Variants in SIGLEC9 observed in about 807,000 individuals in gnomAD.
SIGLEC9 encodes the protein sialic acid binding Ig like lectin 9, also known as sialic acid-binding Ig-like lectin 9.
In SIGLEC9, 26 loss-of-function variants were observed where a neutral mutation model predicts 38.3. The ratio of observed to expected loss-of-function variants is 0.68; its 90% confidence interval spans 0.50 to 0.94. SIGLEC9 has a LOEUF of 0.94. Ranked by LOEUF, SIGLEC9 falls within the 40% of genes least tolerant of loss-of-function variation. The probability of loss-of-function intolerance (pLI) is 0.00; values close to 1 mark genes in which losing one functional copy is unlikely to be tolerated. For synonymous variants in SIGLEC9, 236 were observed against 248.0 expected (o/e 0.95, Z 0.45); for missense variants, 556 against 585.7 (o/e 0.95, Z 0.52).
chr19:51,124,889 C>T (rs967532184), upstream of SIGLEC9: 55 of 1,523,878 alleles, frequency 3.6e-5, no homozygotes, highest in Non-Finnish European at 3.2e-5. Context: ...GTAGGGCCTC[C>T]TCTAAGTCTT....
intron 2 of SIGLEC9, 43 bp downstream of exon 2, chr19:51,125,918 C>T (rs140562294): frequency 1.3e-5 from 21 of 1,611,742 alleles, no homozygotes; most frequent in South Asian, 3.3e-5. Flanking sequence ...ATGGGGTGAG[C>T]GTCAAGCCTG....
Position 51,129,920 on chromosome 19 carries a change from C to G in SIGLEC9, c.1233C>G (p.Asp411Glu). 6.2e-7 allele frequency: 1 copy of G among 1,607,282 alleles called. No individual in the cohort carries two copies. Among genetic ancestry groups the G allele is most frequent in the Non-Finnish European group, 8.5e-7 (1 of 1,176,806 alleles). ...CCCTGACTGAACCTTGGGCAGAAGA[C>G]AGTCCCCCAGACCAGCCTCCCCCAG... The part of the protein sequence containing the change: ...QGPLTEPWAE[D>E]SPPDQPPPAS... Residue 411 changes from aspartate to glutamate, a missense_variant, in exon 7 of 7, where the codon GAC becomes GAG. By Grantham distance (45) the Asp-to-Glu change is conservative (BLOSUM62 2). Coordinates refer to ENST00000250360, the MANE Select transcript of SIGLEC9 (RefSeq NM_014441.3).
chr19:51,119,807 C>T, the SIGLEC9 span, among the ~76,000 whole-genome samples: 1 of 152,180 alleles, frequency 6.6e-6, no homozygotes, highest in Non-Finnish European at 1.5e-5. Context: ...ACCAGACTGT[C>T]CTGGGGCAGT....
intron 6 of SIGLEC9, among the ~76,000 whole-genome samples, 181 bp from the exon 7 acceptor site, chr19:51,129,710 T>C (rs535771212): frequency 1.8e-4 from 28 of 152,110 alleles, no homozygotes; most frequent in African/African-American, 6.7e-4. Context: ...CCACCACACC[T>C]GGCTAATTTT....
Position 51,125,389 on chromosome 19 carries a change from G to A in SIGLEC9, c.415G>A (p.Val139Met), listed in dbSNP as rs1421181909. The A allele has an allele frequency of 6.3e-7, 1 of 1,580,370 alleles. No homozygotes were observed. The highest frequency in any genetic ancestry group is 2.2e-5 in the East Asian group (1 of 44,702). The stretch of plus-strand genomic sequence containing the variant: ...TAAACATCACCGGCTCTCTGTGAAT[G>A]TGACAGGTAAGGCACAGGCTCCAGG... ...NYKHHRLSVN[V>M]TALTHRPNIL... The change falls in exon 1 of 7, where the codon GTG becomes ATG. Residue 139 changes from valine (V) to methionine (M), a missense_variant. Coordinates refer to ENST00000250360, the MANE Select transcript of SIGLEC9 (RefSeq NM_014441.3).
intron 6 of SIGLEC9, among the ~76,000 whole-genome samples, chr19:51,135,502 T>C (rs553762536): frequency 6.6e-6 from 1 of 152,180 alleles, no homozygotes; most frequent in Non-Finnish European, 1.5e-5. Context: ...TTAGCTGCAT[T>C]GAATATTTTT....
downstream of SIGLEC9, among the ~76,000 whole-genome samples, chr19:51,131,768 T>C (rs916475867): frequency 2.6e-5 from 4 of 151,296 alleles, no homozygotes; most frequent in African/African-American, 9.7e-5. Context: ...ATACAAAAAT[T>C]AGCCAGGCGA....
upstream of SIGLEC9, chr19:51,120,759 C>G (rs1359863838): frequency 5.5e-6 from 1 of 181,568 alleles, no homozygotes; most frequent in African/African-American, 2.4e-5. The surrounding 1 kb of genome is among the most constrained non-coding windows in gnomAD (Gnocchi z 4.1). Flanking sequence ...CTCAATGTCT[C>G]TTATGAGTGG....
upstream of SIGLEC9, among the ~76,000 whole-genome samples, chr19:51,122,320 C>T (rs752795247): frequency 2.0e-5 from 3 of 152,122 alleles, no homozygotes; most frequent in East Asian, 3.9e-4. The surrounding 1 kb of genome is among the most constrained non-coding windows in gnomAD (Gnocchi z 4.1). Context: ...TGGTGGCTCA[C>T]GCTTGTAATG....
At position 51,125,634 on chromosome 19, in the gene SIGLEC9, C is replaced by G. The variant is rs368191761; in HGVS notation, c.459C>G (p.Thr153=). 7.4e-6 allele frequency: 12 copies of G among 1,612,828 alleles called. No individual in the cohort carries two copies. The African/African-American group carries it at 1.5e-4, about 20-fold the overall frequency. The change falls in exon 2 of 7, where the codon ACC becomes ACG. Residue 153 remains threonine (T), a synonymous_variant. Transcript: ENST00000250360. The part of the protein sequence containing the change: ...THRPNILIPG[T]LESGCPQNLT... The stretch of plus-strand genomic sequence containing the variant: ...GGCCCAACATCCTCATCCCAGGCAC[C>G]CTGGAGTCCGGCTGCCCCCAGAATC...
rs74594605 is a variant in SIGLEC9 at position 51,135,926 on chromosome 19, T to C, written c.1204-36T>C. On this transcript the variant is annotated intron_variant, in intron 6 of 6. Coordinates refer to the SIGLEC9 transcript ENST00000440804. ...AGTTTTTCAGCTCTAACAGATCAGTTTGATTCTCTCTTAAAATGATTATTT... is the reference window on the plus strand; with the variant it reads ...AGTTTTTCAGCTCTAACAGATCAGTCTGATTCTCTCTTAAAATGATTATTT... 4.2e-3 allele frequency: 2,939 copies of C among 699,942 alleles called. 64 individuals are homozygous for C. The African/African-American group carries it at 0.045, about 11-fold the overall frequency. 43.4% of individuals were successfully genotyped at this position (699,942 alleles called of 1,614,324 possible). A position where few individuals can be genotyped will look rare whatever the true frequency, so the allele number is the denominator to read the frequency against.
chr19:51,133,720 G>A (rs747012340), downstream of SIGLEC9, among the ~76,000 whole-genome samples: 20 of 152,080 alleles, frequency 1.3e-4, no homozygotes, highest in Non-Finnish European at 1.9e-4. Context: ...AAGTAAAAGC[G>A]GAGACTATAA....
chr19:51,136,072 T>A, exon 7 of SIGLEC9: 1 of 703,890 alleles, frequency 1.4e-6, no homozygotes. Flanking sequence ...ATGTCTATCA[T>A]TTCAGTCATT....
At chr19:51,129,369 C>A (rs1282887383) in intron 6 of SIGLEC9, among the ~76,000 whole-genome samples, 1 of 151,718 alleles carries the variant, frequency 6.6e-6, no homozygotes, top group South Asian at 2.1e-4. Flanking sequence ...CTGTGTTAGC[C>A]AGGATGGTCT....
chr19:51,123,196 G>A (rs1373954478), upstream of SIGLEC9, among the ~76,000 whole-genome samples: 20 of 152,190 alleles, frequency 1.3e-4, 1 homozygote, highest in Admixed American at 1.2e-3. Context: ...CTCACCTGGA[G>A]CTACTACTCC....
At position 51,128,891 on chromosome 19, in the gene SIGLEC9, C is replaced by A. The variant is rs371332155; in HGVS notation, c.1203+381C>A. ...GCAGAAGCCAGCAAATACTATCTGTCAGGGACAGATAGAAACTATTTTCGG... is the reference window on the plus strand; with the variant it reads ...GCAGAAGCCAGCAAATACTATCTGTAAGGGACAGATAGAAACTATTTTCGG... On this transcript the variant is annotated intron_variant, in intron 6 of 6. Transcript: ENST00000250360. The A allele has an allele frequency of 5.7e-4, 108 of 190,686 alleles. 2 individuals carry two copies. The highest frequency in any genetic ancestry group is 3.6e-3 in the South Asian group (37 of 10,190). 11.8% of individuals were successfully genotyped at this position (190,686 alleles called of 1,614,324 possible).
Position 51,125,838 on chromosome 19 carries a change from C to T in SIGLEC9, c.663C>T (p.Ser221=), listed in dbSNP as rs539690198. 36 of 1,614,090 alleles carry T rather than the reference C, an allele frequency of 2.2e-5. No homozygotes were observed. Among genetic ancestry groups the T allele is most frequent in the African/African-American group, 2.7e-5 (2 of 75,022 alleles). The change falls in exon 2 of 7, where the codon AGC becomes AGT. Residue 221 remains serine (S), a synonymous_variant. Transcript: ENST00000250360. The part of the protein sequence containing the change: ...LTCQVTFPGA[S]VTTNKTVHLN... ...GTCAGGTGACCTTCCCTGGGGCCAG[C>T]GTGACCACGAACAAGACCGTCCATC...
chr19:51,135,878 C>G, intron 6 of SIGLEC9: 1 of 650,512 alleles, frequency 1.5e-6, no homozygotes, highest in Non-Finnish European at 2.8e-6. Flanking sequence ...TTAATACTTC[C>G]GCTTGTATTA....
At chr19:51,131,033 C>T (rs187060092), downstream of SIGLEC9, among the ~76,000 whole-genome samples, 5 of 152,294 alleles carry the variant, frequency 3.3e-5, no homozygotes. Flanking sequence ...GATCTCCCTC[C>T]TCTAAAGCCA....
Sources: gnomAD v4.1 joint callset for allele counts (sites outside exome capture counted in the v4.1 genomes callset) on GRCh38, gnomAD v4.1.1 for gene constraint, Gnocchi (gnomAD v3.1) non-coding constraint, MANE v1.5 for transcripts, NCBI Gene and HGNC (gene_info 2026-07-23, HGNC 2026-07-21) for gene names.